Variants in SRRM3 observed in about 807,000 individuals in gnomAD.
SRRM3 encodes the protein serine/arginine repetitive matrix 3.
In SRRM3, 27 loss-of-function variants were observed where a neutral mutation model predicts 66.2. That is an observed-to-expected ratio of 0.41 (90% CI 0.30 to 0.56). The LOEUF is 0.56. SRRM3 is among the 20% of genes least tolerant of loss of function. SRRM3 has a pLI of 0.32. For missense variants in SRRM3, 918 were observed against 991.9 expected (o/e 0.93, Z 1.00); for synonymous variants, 391 against 414.9 (o/e 0.94, Z 0.70).
intron 14 of SRRM3, chr7:76,283,913 A>G: frequency 1.1e-6 from 1 of 893,018 alleles, no homozygotes; most frequent in Non-Finnish European, 1.3e-6. Context: ...GAACACAGGC[A>G]AAAAGTTCTG....
At chr7:76,205,416 G>A (rs1437307272) in intron 1 of SRRM3, among the ~76,000 whole-genome samples, 2 of 152,042 alleles carry the variant, frequency 1.3e-5, no homozygotes, top group African/African-American at 4.8e-5. Flanking sequence ...TGTGATGTTG[G>A]CCAAGCTGCT....
chr7:76,284,935 T>TA (rs1554612533), intron 14 of SRRM3, among the ~76,000 whole-genome samples: 1 of 152,108 alleles, frequency 6.6e-6, no homozygotes, highest in Non-Finnish European at 1.5e-5. Context: ...TCGAGTGACC[T>TA]GAAAGCAACA....
intron 9 of SRRM3, among the ~76,000 whole-genome samples, 188 bp downstream of exon 9, chr7:76,265,003 T>A (rs1467980347): frequency 6.6e-6 from 1 of 152,118 alleles, no homozygotes; most frequent in Non-Finnish European, 1.5e-5. Flanking sequence ...CCAGGCCTCT[T>A]GCCTTCCAAT....
intron 1 of SRRM3, among the ~76,000 whole-genome samples, chr7:76,213,556 C>T (rs558685906): frequency 4.2e-4 from 64 of 152,150 alleles, no homozygotes; most frequent in African/African-American, 1.4e-3. Context: ...GCAGGGACCT[C>T]GTGGGATTCA....
intron 4 of SRRM3, 29 bp from the exon 5 acceptor site, chr7:76,260,088 C>T (rs1554608337): frequency 1.4e-6 from 2 of 1,379,868 alleles, no homozygotes; most frequent in African/African-American, 1.6e-5. Flanking sequence ...CCCCCCTCAC[C>T]GCCCCCACCC....
intron 3 of SRRM3, among the ~76,000 whole-genome samples, chr7:76,253,797 A>C (rs1801640888): frequency 6.7e-6 from 1 of 149,930 alleles, no homozygotes; most frequent in Non-Finnish European, 1.5e-5. Flanking sequence ...CAAAAAAAAA[A>C]AAAAAAAAAA....
intron 1 of SRRM3, among the ~76,000 whole-genome samples, chr7:76,202,358 A>C (rs1245418474): frequency 6.6e-6 from 1 of 152,158 alleles, no homozygotes; most frequent in African/African-American, 2.4e-5. Context: ...AGGCCCCCCA[A>C]CCGCAGTCCC....
intron 12 of SRRM3, among the ~76,000 whole-genome samples, 158 bp downstream of exon 12, chr7:76,281,960 C>T (rs1438237955): frequency 8.6e-6 from 1 of 116,484 alleles, no homozygotes; most frequent in East Asian, 3.4e-4. Flanking sequence ...ATTCCACCCC[C>T]CCATGAGCTA....
At chr7:76,275,497 CAAAAA>C (rs35985626) in intron 11 of SRRM3, among the ~76,000 whole-genome samples, 2 of 70,912 alleles carry the variant, frequency 2.8e-5, no homozygotes, top group Non-Finnish European at 3.0e-5. Flanking sequence ...CCTGCTCCCT[CAAAAA>C]AAAAAAAAAA....
At chr7:76,242,533 G>T (rs1801333938) in intron 2 of SRRM3, among the ~76,000 whole-genome samples, 1 of 151,826 alleles carries the variant, frequency 6.6e-6, no homozygotes, top group Admixed American at 6.6e-5. Context: ...GGTGGTGGGG[G>T]GATGGTTTCA....
intron 3 of SRRM3, among the ~76,000 whole-genome samples, chr7:76,257,717 G>A (rs1226444318): frequency 3.3e-5 from 5 of 151,846 alleles, no homozygotes; most frequent in Non-Finnish European, 7.4e-5. Flanking sequence ...AGGCTGCAGC[G>A]AGCTGTGATG....
intron 1 of SRRM3, among the ~76,000 whole-genome samples, chr7:76,216,638 G>A (rs1583871537): frequency 6.6e-6 from 1 of 152,328 alleles, no homozygotes; most frequent in African/African-American, 2.4e-5. Context: ...TTTGGTGGGA[G>A]GGTCAGGCTC....
At chr7:76,260,249 C>A in intron 5 of SRRM3, 52 bp downstream of exon 5, 1 of 1,376,746 alleles carries the variant, frequency 7.3e-7, no homozygotes, top group Non-Finnish European at 9.8e-7. Context: ...TGGGGTCTCT[C>A]CCCGGATGCC....
intron 1 of SRRM3, among the ~76,000 whole-genome samples, chr7:76,223,350 G>T (rs1800771926): frequency 6.6e-6 from 1 of 152,154 alleles, no homozygotes; most frequent in South Asian, 2.1e-4. Context: ...TCTGCAGAAG[G>T]GTCCTTACAC....
chr7:76,258,826 G>C (rs1414849543), intron 3 of SRRM3, among the ~76,000 whole-genome samples: 18 of 151,918 alleles, frequency 1.2e-4, no homozygotes, highest in Admixed American at 7.2e-4. Flanking sequence ...GGAGGCCAAA[G>C]CTGGCAGATC....
chr7:76,249,784 T>C (rs1554606677), intron 3 of SRRM3, among the ~76,000 whole-genome samples: 1 of 152,106 alleles, frequency 6.6e-6, no homozygotes, highest in East Asian at 1.9e-4. Flanking sequence ...ATGTGGTACA[T>C]GCCTGTAATC....
chr7:76,248,427 A>G (rs1224146687), intron 3 of SRRM3, 138 bp downstream of exon 3: 4 of 636,620 alleles, frequency 6.3e-6, no homozygotes, highest in Non-Finnish European at 1.1e-5. Flanking sequence ...GATAAGGAGA[A>G]GGAGAGGAGA....
At chr7:76,208,862 G>A (rs1583862582) in intron 1 of SRRM3, among the ~76,000 whole-genome samples, 1 of 131,834 alleles carries the variant, frequency 7.6e-6, no homozygotes, top group South Asian at 2.9e-4. Context: ...AAAAAAGAAA[G>A]AAGAAAGGAA....
At chr7:76,282,473 G>A (rs1242802073) in intron 12 of SRRM3, 175 bp from the exon 13 acceptor site, 3 of 385,514 alleles carry the variant, frequency 7.8e-6, no homozygotes, top group African/African-American at 2.5e-5. Flanking sequence ...GGCTCCCCCT[G>A]AACTGACCCC....
Sources: allele counts gnomAD v4.1 joint callset (sites outside exome capture counted in the v4.1 genomes callset), GRCh38; gene constraint gnomAD v4.1.1; transcripts MANE v1.5; gene names NCBI Gene and HGNC (gene_info 2026-07-23, HGNC 2026-07-21).